The following PTPRB variants were observed in gnomAD, a reference collection of about 807,000 sequenced individuals.
PTPRB encodes protein tyrosine phosphatase receptor type B.
Under a neutral mutation model 238.1 loss-of-function variants are expected in PTPRB, and 97 were observed. That is an observed-to-expected ratio of 0.41 (90% CI 0.35 to 0.48). The LOEUF (loss-of-function observed/expected upper bound fraction) is 0.48, where lower values mean the gene tolerates loss of function less well. Ranked by LOEUF, PTPRB falls within the 20% of genes least tolerant of loss-of-function variation. The pLI is 0.30. For missense variants in PTPRB, 2,292 were observed against 2,681.9 expected, an observed-to-expected ratio of 0.85 and a Z score of 3.21; for synonymous variants, 970 against 995.4, an observed-to-expected ratio of 0.97 and a Z score of 0.48.
rs1417027070 is a variant in PTPRB, at chr12:70,590,069, A to G, written c.1945T>C (p.Tyr649His). Reference protein sequence around the residue: ...NITVGKEETQYVMDDTGLVPG... With the variant: ...NITVGKEETQHVMDDTGLVPG... ...ACGAGCCCCGTGTCATCCATGACATACTGTGTTTCTTCCTTTCCCACAGTG... is the reference window on the plus strand; with the variant it reads ...ACGAGCCCCGTGTCATCCATGACATGCTGTGTTTCTTCCTTTCCCACAGTG... Residue 649 changes from tyrosine to histidine, a missense_variant, in exon 8 of 34, where the codon TAT becomes CAT. Tyr to His is a moderately conservative substitution (Grantham distance 83). Transcript: ENST00000334414. 1.9e-6 allele frequency: 3 copies of G among 1,613,788 alleles called. No homozygotes were observed. The highest frequency in any genetic ancestry group is 2.7e-5 in the African/African-American group (2 of 74,894).
chr12:70,570,101 T>G (rs1157927980), intron 13 of PTPRB, among the ~76,000 whole-genome samples, 163 bp from the exon 14 acceptor site: 1 of 151,960 alleles, frequency 6.6e-6, no homozygotes, highest in Non-Finnish European at 1.5e-5. Flanking sequence ...CTGTGTGAAC[T>G]AAAGTTGATG....
chr12:70,555,850 G>T lies in PTPRB; in HGVS notation c.4993+20C>A. 1.9e-6 allele frequency: 3 copies of T among 1,609,394 alleles called. No individual in the cohort carries two copies. The highest frequency in any genetic ancestry group is 2.5e-6 in the Non-Finnish European group (3 of 1,178,086). On this transcript the variant is annotated intron_variant, in intron 19 of 33. Coordinates refer to ENST00000334414, the MANE Select transcript of PTPRB (RefSeq NM_001109754.4). The stretch of plus-strand genomic sequence containing the variant: ...ACTCCAGTGACAGGAGGCTCTGTGC[G>T]CACCTCCAGGGACACTTACGGTCTA...
At chr12:70,558,416 C>G (rs1239584625) in intron 18 of PTPRB, among the ~76,000 whole-genome samples, 1 of 152,172 alleles carries the variant, frequency 6.6e-6, no homozygotes, top group East Asian at 1.9e-4. Flanking sequence ...TTCTAACTTT[C>G]AACTATGTAT....
Position 70,516,532 on chromosome 12 carries a change from C to T in PTPRB, c.*4957G>A, listed in dbSNP as rs1171995962. 6.6e-6 allele frequency: 1 copy of T among 152,222 alleles called. No homozygotes were observed. The highest frequency in any genetic ancestry group is 1.5e-5 in the Non-Finnish European group (1 of 68,044). 9.4% of individuals were successfully genotyped at this position (152,222 alleles called of 1,614,324 possible). On this transcript the variant is annotated 3_prime_UTR_variant, in exon 34 of 34. Transcript: ENST00000334414. ...CCTGCAGATGGAATGCTGTCCAACT[C>T]TGCCACAAACTCTTAAAGCCACAAT...
At chr12:70,602,073 G>C (rs935567922) in intron 4 of PTPRB, among the ~76,000 whole-genome samples, 3 of 152,104 alleles carry the variant, frequency 2.0e-5, no homozygotes, top group African/African-American at 7.2e-5. Flanking sequence ...GGGATTACAG[G>C]CGTGAGCCAC....
Position 70,571,984 on chromosome 12 carries a change from G to T in PTPRB, c.2946C>A (p.Val982=). The T allele has an allele frequency of 6.2e-7, 1 of 1,613,796 alleles. No homozygotes were observed. Among genetic ancestry groups the T allele is most frequent in the South Asian group, 1.1e-5 (1 of 91,070 alleles). The part of the protein sequence containing the change: ...HATGDFDHYE[V]TIKNKNNFIQ... ...TGAAGTTGTTTTTGTTTTTAATGGT[G>T]ACTTCATAGTGATCAAAGTCTCCAG... The change falls in exon 12 of 34, where the codon GTC becomes GTA. Residue 982 remains valine (V), a synonymous_variant. Transcript: ENST00000334414.
Position 70,594,594 on chromosome 12 carries a change from G to GC in PTPRB, c.1388dup (p.Gly464ArgfsTer28). 1 of 1,613,918 alleles carries GC rather than the reference G, an allele frequency of 6.2e-7. No individual in the cohort carries two copies. The highest frequency in any genetic ancestry group is 8.5e-7 in the Non-Finnish European group (1 of 1,179,886). ...AAGTAGCATGTTTGTCCACAACACC[G>GC]CCATGAACTAGGATCCCTTTATCCA... is the stretch of plus-strand genomic sequence containing the variant. On this transcript the variant is annotated frameshift_variant, in exon 6 of 34. Coordinates refer to ENST00000334414, the MANE Select transcript of PTPRB (RefSeq NM_001109754.4). LOFTEE classifies it high-confidence loss of function.
chr12:70,536,027 G>A lies in PTPRB; in HGVS notation c.6079C>T (p.Arg2027Ter), dbSNP rs761611289. Residue 2027 changes from arginine to a stop codon, truncating the protein, a stop_gained and splice_region_variant, in exon 29 of 34, where the codon CGA becomes TGA. Transcript: ENST00000334414. LOFTEE classifies it high-confidence loss of function. ...VMVTQCVEKG[R>*]VKCDHYWPAD... The stretch of plus-strand genomic sequence containing the variant: ...TGCCAGGAAGGCTGTTTACTCACTC[G>A]GCCCTTCTCAACACACTGGGTCACC... 4 of 1,612,796 alleles carry A rather than the reference G, an allele frequency of 2.5e-6. No individual in the cohort carries two copies. The highest frequency in any genetic ancestry group is 1.8e-4 in the Middle Eastern group (1 of 5,548).
At chr12:70,564,555 G>A (rs1254754532) in intron 15 of PTPRB, among the ~76,000 whole-genome samples, 1 of 151,096 alleles carries the variant, frequency 6.6e-6, no homozygotes, top group South Asian at 2.1e-4. Flanking sequence ...CCCTTGACCA[G>A]GCGTGGTGGC....
rs764757425 is a variant in PTPRB at position 70,516,113 on chromosome 12, T to C, written c.*5376A>G. 3.7e-4 allele frequency: 57 copies of C among 152,160 alleles called. No individual in the cohort carries two copies. The highest frequency in any genetic ancestry group is 7.4e-5 in the Non-Finnish European group (5 of 68,022). 9.4% of individuals were successfully genotyped at this position (152,160 alleles called of 1,614,324 possible). A position where few individuals can be genotyped will look rare whatever the true frequency, so the allele number is the denominator to read the frequency against. On this transcript the variant is annotated 3_prime_UTR_variant, in exon 34 of 34. Coordinates refer to ENST00000334414, the MANE Select transcript of PTPRB (RefSeq NM_001109754.4). ...GGATTTTCAGAGAAATAATAAATGATATTAAAAACATAAAAGTGCTCTATT... is the reference window on the plus strand; with the variant it reads ...GGATTTTCAGAGAAATAATAAATGACATTAAAAACATAAAAGTGCTCTATT...
In PTPRB at chr12:70,556,094, G is replaced by A. The variant is rs766477937; in HGVS notation, c.4769C>T (p.Ala1590Val). The A allele has an allele frequency of 1.2e-6, 2 of 1,613,774 alleles. No homozygotes were observed. Among genetic ancestry groups the A allele is most frequent in the Non-Finnish European group, 1.7e-6 (2 of 1,179,740 alleles). Residue 1590 changes from alanine to valine, a missense_variant, in exon 19 of 34, where the codon GCC becomes GTC. This residue lies in a region of PTPRB where 683 missense variants were observed against 862.0 expected (regional missense o/e 0.79). Transcript: ENST00000334414. ...HCRPQNSTAIACSWIPPDSDF... is the reference protein window; with the variant it reads ...HCRPQNSTAIVCSWIPPDSDF... ...AGAATCAGGAGGGATCCAAGAACAGGCAATGGCCGTGGAGTTCTGAGGCCG... is the reference window on the plus strand; with the variant it reads ...AGAATCAGGAGGGATCCAAGAACAGACAATGGCCGTGGAGTTCTGAGGCCG...
Position 70,576,566 on chromosome 12 carries a change from G to C in PTPRB, c.2658C>G (p.Pro886=). Residue 886 remains proline, a synonymous_variant, in exon 11 of 34, where the codon CCC becomes CCG. Transcript: ENST00000334414. The stretch of plus-strand genomic sequence containing the variant: ...TTACCTCATAGTTATCCACATCTCC[G>C]GGCGCCAGCAGCCAGGAAACGCTGA... ...DYLSVSWLLA[P]GDVDNYEVTL... is the part of the protein sequence containing the mutation. 6.4e-7 allele frequency: 1 copy of C among 1,551,874 alleles called. No homozygotes were observed. Among genetic ancestry groups the C allele is most frequent in the Non-Finnish European group, 8.7e-7 (1 of 1,147,588 alleles).
chr12:70,610,879 C>T (rs1884406558), intron 3 of PTPRB, among the ~76,000 whole-genome samples: 2 of 151,762 alleles, frequency 1.3e-5, no homozygotes, highest in South Asian at 4.2e-4. Flanking sequence ...AGTCAGCTCT[C>T]CACAAGTTAA....
chr12:70,538,593 G>A (rs969361998), intron 27 of PTPRB: 1 of 432,256 alleles, frequency 2.3e-6, no homozygotes, highest in Non-Finnish European at 4.1e-6. Flanking sequence ...ATTGCTAACC[G>A]AAGACTTTGC....
At chr12:70,529,365 C>CAATT (rs1872840170) in intron 32 of PTPRB, among the ~76,000 whole-genome samples, 1 of 152,098 alleles carries the variant, frequency 6.6e-6, no homozygotes, top group South Asian at 2.1e-4. Flanking sequence ...AATCCTTTGA[C>CAATT]AATTACTAGA....
At chr12:70,627,390 A>G (rs1414264773) in intron 2 of PTPRB, among the ~76,000 whole-genome samples, 1 of 152,232 alleles carries the variant, frequency 6.6e-6, no homozygotes, top group African/African-American at 2.4e-5. Flanking sequence ...AGGGCCCATG[A>G]TAATTTTAGG....
chr12:70,553,009 G>A lies in PTPRB; in HGVS notation c.5155C>T (p.Leu1719=). ...AGAGGGTGCTGCTGTTCTGGCTTCA[G>A]CTCATCACTGCCTGGAGGAGAAAAC... is the stretch of plus-strand genomic sequence containing the variant. ...VVREADGSDE[L]KPEQQHPLPS... is the part of the protein sequence containing the mutation. Residue 1719 remains leucine (L), a synonymous_variant, in exon 21 of 34, where the codon CTG becomes TTG. Transcript: ENST00000334414. 1 of 1,613,602 alleles carries A rather than the reference G, an allele frequency of 6.2e-7. No homozygotes were observed. Among genetic ancestry groups the A allele is most frequent in the Non-Finnish European group, 8.5e-7 (1 of 1,179,608 alleles).
intron 18 of PTPRB, among the ~76,000 whole-genome samples, chr12:70,557,936 G>A (rs1264829915): frequency 6.6e-6 from 1 of 152,192 alleles, no homozygotes; most frequent in Non-Finnish European, 1.5e-5. Context: ...ATTGGCTGCT[G>A]GAAGAGACCA....
At chr12:70,626,676 C>A (rs1885219833) in intron 2 of PTPRB, among the ~76,000 whole-genome samples, 2 of 151,940 alleles carry the variant, frequency 1.3e-5, no homozygotes, top group Admixed American at 1.3e-4. Flanking sequence ...AACACTACAT[C>A]TTTTTATATA....
Sources: gnomAD v4.1 joint callset for allele counts (sites outside exome capture counted in the v4.1 genomes callset) on GRCh38, gnomAD v4.1.1 for gene constraint, gnomAD v4.1.1 regional missense constraint, MANE v1.5 for transcripts, NCBI Gene and HGNC (gene_info 2026-07-23, HGNC 2026-07-21) for gene names.